Variants in CUL1 observed in about 807,000 individuals in gnomAD.
The protein encoded by CUL1 is cullin 1, also known as cullin-1.
A neutral mutation model predicts 118.0 loss-of-function variants in CUL1; 24 were observed. The observed-to-expected ratio is 0.20, with a 90% CI of 0.15 to 0.29. The LOEUF (loss-of-function observed/expected upper bound fraction) is 0.29, where lower values mean the gene tolerates loss of function less well. CUL1 is among the 10% of genes least tolerant of loss of function. The pLI is 1.00. For synonymous variants in CUL1, 332 were observed against 340.4 expected (o/e 0.98, Z 0.27); for missense variants, 361 against 933.8 (o/e 0.39, Z 7.99).
chr7:148,723,866 C>G (rs189400692), intron 1 of CUL1, among the ~76,000 whole-genome samples: 6 of 150,802 alleles, frequency 4.0e-5, no homozygotes, highest in African/African-American at 1.2e-4. Flanking sequence ...TCTCAAGATA[C>G]GTTCAGGAAA....
At chr7:148,741,089 C>T (rs781237858) in intron 2 of CUL1, among the ~76,000 whole-genome samples, 1 of 152,200 alleles carries the variant, frequency 6.6e-6, no homozygotes, top group African/African-American at 2.4e-5. Context: ...GTCAGTACTT[C>T]ATTTTTATGG....
intron 1 of CUL1, among the ~76,000 whole-genome samples, chr7:148,723,677 G>GA (rs1798469060): frequency 6.6e-6 from 1 of 150,620 alleles, no homozygotes; most frequent in South Asian, 2.1e-4. Context: ...AAAAAAAAGA[G>GA]GTATATTTCA....
At chr7:148,728,294 TATAAG>T (rs1015342520) in intron 1 of CUL1, among the ~76,000 whole-genome samples, 8 of 152,020 alleles carry the variant, frequency 5.3e-5, no homozygotes, top group Non-Finnish European at 8.8e-5. Context: ...TGATAGAAAT[TATAAG>T]AGAAGGAAAA....
chr7:148,799,414 A>G (rs779423806), intron 21 of CUL1, 26 bp downstream of exon 21: 1 of 1,421,582 alleles, frequency 7.0e-7, no homozygotes, highest in Non-Finnish European at 9.9e-7. Context: ...TAGCAGTCAC[A>G]TTCCTTTCTT....
intron 1 of CUL1, among the ~76,000 whole-genome samples, chr7:148,718,949 T>G (rs1051033545): frequency 6.6e-5 from 10 of 152,318 alleles, no homozygotes; most frequent in African/African-American, 2.2e-4. Context: ...GTGTTTATTT[T>G]TATTTCTCTG....
At chr7:148,709,130 C>G (rs904303119) in intron 1 of CUL1, among the ~76,000 whole-genome samples, 3 of 152,176 alleles carry the variant, frequency 2.0e-5, no homozygotes, top group Non-Finnish European at 4.4e-5. Context: ...ATTCTGACGC[C>G]TCTCTTGGCG....
At chr7:148,797,902 C>T (rs952060409) in intron 18 of CUL1, 35 bp from the exon 19 acceptor site, 2 of 1,609,046 alleles carry the variant, frequency 1.2e-6, no homozygotes, top group Non-Finnish European at 1.7e-6. Context: ...GAAGCCTTTT[C>T]CTGAGATTGT....
chr7:148,754,108 A>G lies in CUL1; in HGVS notation c.273A>G (p.Arg91=). The change falls in exon 3 of 22, where the codon CGA becomes CGG. Residue 91 remains arginine (R), a synonymous_variant. Transcript: ENST00000325222. ...AQFVGLELYK[R]LKEFLKNYLT... Reference sequence around the variant, plus strand: ...TTGTTGGCCTGGAATTATATAAACGACTTAAGGAATTTTTGAAGAATTACT... The same window carrying G: ...TTGTTGGCCTGGAATTATATAAACGGCTTAAGGAATTTTTGAAGAATTACT... The G allele has an allele frequency of 6.2e-7, 1 of 1,611,798 alleles. No homozygotes were observed. The highest frequency in any genetic ancestry group is 1.7e-5 in the Admixed American group (1 of 59,430).
At chr7:148,749,681 T>C (rs1003550629) in intron 2 of CUL1, among the ~76,000 whole-genome samples, 2 of 152,126 alleles carry the variant, frequency 1.3e-5, no homozygotes, top group African/African-American at 4.8e-5. Flanking sequence ...CAATCTTGAG[T>C]TGAGGCCAGT....
chr7:148,782,775 T>C (rs932388170), intron 9 of CUL1, among the ~76,000 whole-genome samples: 1 of 152,316 alleles, frequency 6.6e-6, no homozygotes, highest in African/African-American at 2.4e-5. Flanking sequence ...ATAGGTAGAA[T>C]TGGGAATGCT....
intron 1 of CUL1, among the ~76,000 whole-genome samples, chr7:148,713,083 AT>A (rs1196517976): frequency 1.3e-5 from 2 of 152,220 alleles, no homozygotes; most frequent in Non-Finnish European, 2.9e-5. Context: ...ACAATAATGA[AT>A]TGCAGCCCTC....
chr7:148,744,081 A>G (rs941884059), intron 2 of CUL1, among the ~76,000 whole-genome samples: 7 of 152,100 alleles, frequency 4.6e-5, no homozygotes, highest in Non-Finnish European at 8.8e-5. Flanking sequence ...ACCTCTTTCT[A>G]TGCTTAATGT....
intron 1 of CUL1, among the ~76,000 whole-genome samples, chr7:148,728,996 G>T (rs1390919796): frequency 6.6e-6 from 1 of 152,168 alleles, no homozygotes; most frequent in Non-Finnish European, 1.5e-5. Flanking sequence ...AGTGTTTCTT[G>T]ATTTACACTA....
At chr7:148,719,388 G>A (rs1005859158) in intron 1 of CUL1, among the ~76,000 whole-genome samples, 14 of 152,036 alleles carry the variant, frequency 9.2e-5, no homozygotes, top group African/African-American at 2.9e-4. Flanking sequence ...TTTTTATGCT[G>A]CTTGTCAATT....
intron 2 of CUL1, among the ~76,000 whole-genome samples, chr7:148,747,203 G>C (rs1411975001): frequency 6.6e-6 from 1 of 152,090 alleles, no homozygotes; most frequent in African/African-American, 2.4e-5. Flanking sequence ...CATTGGGTTT[G>C]TTTTTTTAAA....
chr7:148,768,064 G>T (rs755558352), intron 9 of CUL1, among the ~76,000 whole-genome samples: 1 of 152,072 alleles, frequency 6.6e-6, no homozygotes, highest in Non-Finnish European at 1.5e-5. Flanking sequence ...CCTGGAAGCT[G>T]TTACTTTGCC....
At position 148,757,133 on chromosome 7, in the gene CUL1, A is replaced by G; in HGVS notation, c.466A>G (p.Ile156Val). The change falls in exon 4 of 22, where the codon ATA becomes GTA. Residue 156 changes from isoleucine to valine, a missense_variant. Transcript: ENST00000325222. ...RRECDEGRKG[I>V]YEIYSLALVT... ...TGAATGTGACGAAGGACGAAAAGGA[A>G]TATATGAAATCTATTCGGTAAGAGT... 1 of 1,563,068 alleles carries G rather than the reference A, an allele frequency of 6.4e-7. No homozygotes were observed.
At chr7:148,730,398 C>G (rs1798721273) in intron 2 of CUL1, 136 bp downstream of exon 2, 2 of 1,103,080 alleles carry the variant, frequency 1.8e-6, no homozygotes, top group Non-Finnish European at 2.5e-6. Context: ...TCATTTTTAG[C>G]CTTAAGTTTT....
At chr7:148,766,511 AGTTCT>A in intron 7 of CUL1, 45 bp from the exon 8 acceptor site, 3 of 1,461,246 alleles carry the variant, frequency 2.1e-6, no homozygotes, top group Non-Finnish European at 2.8e-6. Flanking sequence ...GAATTGTAAC[AGTTCT>A]TTACCAATGA....
Sources: allele counts gnomAD v4.1 joint callset (sites outside exome capture counted in the v4.1 genomes callset), GRCh38; gene constraint gnomAD v4.1.1; transcripts MANE v1.5; gene names NCBI Gene and HGNC (gene_info 2026-07-23, HGNC 2026-07-21).